Variants in ENTPD1 observed in about 807,000 individuals in gnomAD.
ENTPD1 encodes the protein ATP diphosphohydrolase.
A neutral mutation model predicts 57.0 loss-of-function variants in ENTPD1; 33 were observed. The ratio of observed to expected loss-of-function variants is 0.58; its 90% CI spans 0.44 to 0.77. The LOEUF (loss-of-function observed/expected upper bound fraction) is 0.77, where lower values mean the gene tolerates loss of function less well. ENTPD1 is among the 30% of genes least tolerant of loss of function. The pLI, the probability that ENTPD1 is intolerant of heterozygous loss-of-function variation, is 0.00. For synonymous variants in ENTPD1, 202 were observed against 218.8 expected (o/e 0.92, Z 0.68); for missense variants, 501 against 603.4 (o/e 0.83, Z 1.78).
intron 8 of ENTPD1, chr10:95,861,508 G>C (rs1414905660): frequency 6.6e-6 from 1 of 152,188 alleles, no homozygotes; most frequent in African/African-American, 2.4e-5. Context: ...ACTGACAAGG[G>C]GGAAGAAAGG....
At chr10:95,858,134 G>A (rs2098458711) in intron 7 of ENTPD1, among the ~76,000 whole-genome samples, 1 of 150,174 alleles carries the variant, frequency 6.7e-6, no homozygotes. Flanking sequence ...TCCAGCCTGG[G>A]CGACAGAGCA....
intron 1 of ENTPD1, among the ~76,000 whole-genome samples, chr10:95,810,088 C>T (rs1295119734): frequency 7.4e-6 from 1 of 134,308 alleles, no homozygotes; most frequent in Non-Finnish European, 1.6e-5. Flanking sequence ...AGAGGCACTC[C>T]TCACCTCCCG....
chr10:95,756,202 A>C lies in ENTPD1; in HGVS notation c.-38A>C. ...CAGCAAGCAGAGGCTGGGGGGGGGA[A>C]AGACGAGGAAAGAGGAGGAAAACAA... On this transcript the variant is annotated 5_prime_UTR_variant, in exon 1 of 10. Transcript: ENST00000371205. 1 of 1,582,954 alleles carries C rather than the reference A, an allele frequency of 6.3e-7. No homozygotes were observed. Among genetic ancestry groups the C allele is most frequent in the Admixed American group, 1.8e-5 (1 of 55,850 alleles).
At chr10:95,800,790 G>A (rs1007065369) in intron 1 of ENTPD1, among the ~76,000 whole-genome samples, 10 of 152,058 alleles carry the variant, frequency 6.6e-5, no homozygotes, top group Admixed American at 1.3e-4. Context: ...ATCTTTCCTC[G>A]TTCCCTGAAA....
At chr10:95,728,451 G>A (rs2097985929) in intron 1 of ENTPD1, among the ~76,000 whole-genome samples, 1 of 152,148 alleles carries the variant, frequency 6.6e-6, no homozygotes, top group Admixed American at 6.6e-5. Flanking sequence ...GGCAGCTGCA[G>A]CCGCAAACCT....
intron 1 of ENTPD1, among the ~76,000 whole-genome samples, chr10:95,778,365 G>A (rs952148619): frequency 1.3e-5 from 2 of 152,296 alleles, no homozygotes; most frequent in Non-Finnish European, 2.9e-5. Context: ...CTCAACAGGT[G>A]GTTTGTAGTT....
At chr10:95,767,514 A>G (rs978836052) in intron 1 of ENTPD1, among the ~76,000 whole-genome samples, 1 of 151,946 alleles carries the variant, frequency 6.6e-6, no homozygotes, top group African/African-American at 2.4e-5. Context: ...AGTAAAAATT[A>G]TGTTAGTCAC....
upstream of ENTPD1, among the ~76,000 whole-genome samples, chr10:95,706,928 C>T (rs1359637795): frequency 2.0e-5 from 3 of 152,152 alleles, no homozygotes; most frequent in Non-Finnish European, 4.4e-5. Flanking sequence ...TGGAGAGATC[C>T]GAGCAGGCGC....
At chr10:95,749,862 AT>A (rs1336617487) in intron 1 of ENTPD1, among the ~76,000 whole-genome samples, 1 of 152,198 alleles carries the variant, frequency 6.6e-6, no homozygotes, top group East Asian at 1.9e-4. Context: ...GTTTTGTTTA[AT>A]TTTTAACTGA....
intron 8 of ENTPD1, chr10:95,861,222 A>G (rs2098464715): frequency 1.3e-5 from 2 of 153,430 alleles, no homozygotes; most frequent in Admixed American, 6.5e-5. Flanking sequence ...CACAGACACA[A>G]TTGTGGTAAA....
At chr10:95,863,222 G>A (rs575583604) in intron 8 of ENTPD1, among the ~76,000 whole-genome samples, 34 of 152,276 alleles carry the variant, frequency 2.2e-4, no homozygotes, top group African/African-American at 7.7e-4. Context: ...AAAGAATTCA[G>A]GGAAATTAGG....
At chr10:95,802,780 C>T (rs924531287) in intron 1 of ENTPD1, among the ~76,000 whole-genome samples, 92 of 152,320 alleles carry the variant, frequency 6.0e-4, no homozygotes, top group African/African-American at 2.0e-3. Context: ...CCGCAAAGGA[C>T]ATGAACTCAT....
In ENTPD1 at chr10:95,819,067, G is replaced by T. The variant is rs367697198; in HGVS notation, c.17-4170G>T. Among the ~76,000 whole-genome samples, 4 of 152,290 alleles carry T rather than the reference G, an allele frequency of 2.6e-5. No individual in the cohort carries two copies. The East Asian group carries it at 7.7e-4, about 29-fold the overall frequency. On this transcript the variant is annotated intron_variant, in intron 1 of 9. Transcript: ENST00000371205. ...AACACCCCAAATCTGTTTATTAATGGAGTAAAATTTTAAGCTGTTATATTT... is the reference window on the plus strand; with the variant it reads ...AACACCCCAAATCTGTTTATTAATGTAGTAAAATTTTAAGCTGTTATATTT...
intron 1 of ENTPD1, among the ~76,000 whole-genome samples, chr10:95,768,477 CTTCT>C (rs950037385): frequency 4.7e-5 from 7 of 149,798 alleles, no homozygotes; most frequent in African/African-American, 1.2e-4. Context: ...CCCTCTCTTT[CTTCT>C]TTCTTTCTTT....
chr10:95,729,097 TA>T (rs745816623), intron 1 of ENTPD1, among the ~76,000 whole-genome samples: 17 of 152,058 alleles, frequency 1.1e-4, no homozygotes, highest in Non-Finnish European at 2.2e-4. Context: ...AATTTTAAAA[TA>T]TATATATATT....
chr10:95,851,320 T>A (rs1286145330), intron 7 of ENTPD1, among the ~76,000 whole-genome samples: 1 of 152,048 alleles, frequency 6.6e-6, no homozygotes, highest in East Asian at 1.9e-4. Context: ...TTTTTTAATT[T>A]TTTTTGAAAA....
At chr10:95,843,718 T>C (rs2098427156) in intron 4 of ENTPD1, among the ~76,000 whole-genome samples, 1 of 151,900 alleles carries the variant, frequency 6.6e-6, no homozygotes. Flanking sequence ...AGAAGATGGA[T>C]TGGAGGGGAG....
At chr10:95,842,727 G>T (rs1319191603) in intron 4 of ENTPD1, among the ~76,000 whole-genome samples, 1 of 152,094 alleles carries the variant, frequency 6.6e-6, no homozygotes, top group Admixed American at 6.5e-5. Flanking sequence ...ATCTCCCTAT[G>T]GGGGATTCAA....
the ENTPD1 span, among the ~76,000 whole-genome samples, chr10:95,696,899 T>G: frequency 8.5e-5 from 13 of 152,222 alleles, no homozygotes; most frequent in Non-Finnish European, 1.9e-4. Context: ...TCTGTCCTTT[T>G]CCCACTTCTC....
Sources: allele counts gnomAD v4.1 joint callset (sites outside exome capture counted in the v4.1 genomes callset), GRCh38; gene constraint gnomAD v4.1.1; transcripts MANE v1.5; gene names NCBI Gene and HGNC (gene_info 2026-07-23, HGNC 2026-07-21).